DEPDC5: variants seen among roughly 807,000 people sequenced by gnomAD.
The protein encoded by DEPDC5 is GATOR1 complex protein DEPDC5.
Under a neutral mutation model 217.3 loss-of-function variants are expected in DEPDC5, and 73 were observed. The observed-to-expected ratio is 0.34, with a 90% CI of 0.28 to 0.41. The LOEUF (loss-of-function observed/expected upper bound fraction) is 0.41. DEPDC5 is among the 10% of genes least tolerant of loss of function. The pLI is 1.00. For synonymous variants in DEPDC5, 733 were observed against 756.7 expected, an observed-to-expected ratio of 0.97 and a Z score of 0.51; for missense variants, 1,675 against 2,070.1, an observed-to-expected ratio of 0.81 and a Z score of 3.70.
chr22:31,849,968 G>A (rs568710612), intron 31 of DEPDC5, among the ~76,000 whole-genome samples: 200 of 151,670 alleles, frequency 1.3e-3, no homozygotes, highest in African/African-American at 4.3e-3. Flanking sequence ...CAGCCAAACC[G>A]TATCACTGGG....
Position 31,876,206 on chromosome 22 carries a change from G to A in DEPDC5, c.3746G>A (p.Arg1249Gln), listed in dbSNP as rs747454808. Reference protein sequence around the residue: ...LITHASGEAWRTFIYGFYFYK... With the variant: ...LITHASGEAWQTFIYGFYFYK... ...ACACATGCATCTGGCGAAGCCTGGC[G>A]GACCTTCATCTACGGCTTCTATTTC... is the stretch of plus-strand genomic sequence containing the variant. The change falls in exon 37 of 43, where the codon CGG (arginine) becomes CAG (glutamine). Residue 1249 changes from arginine to glutamine, a missense_variant. Physicochemically the swap from Arg to Gln is conservative, Grantham distance 43. Coordinates refer to ENST00000651528, the MANE Select transcript of DEPDC5 (RefSeq NM_001242896.3). The A allele has an allele frequency of 9.9e-6, 16 of 1,613,996 alleles. No homozygotes were observed. The highest frequency in any genetic ancestry group is 1.7e-4 in the Middle Eastern group (1 of 6,050).
chr22:31,802,869 A>T (rs2087027472), intron 15 of DEPDC5, 31 bp downstream of exon 15: 3 of 1,560,562 alleles, frequency 1.9e-6, no homozygotes, highest in African/African-American at 1.4e-5. Flanking sequence ...CCCTGTCTCC[A>T]CATGTTCCTA....
At chr22:31,899,498 CCT>C (rs970077610) in intron 40 of DEPDC5, among the ~76,000 whole-genome samples, 1 of 152,128 alleles carries the variant, frequency 6.6e-6, no homozygotes, top group African/African-American at 2.4e-5. Flanking sequence ...AAGTGATTCT[CCT>C]GCCTCAGCCT....
chr22:31,781,920 A>G (rs1193456897), intron 8 of DEPDC5, among the ~76,000 whole-genome samples: 1 of 151,930 alleles, frequency 6.6e-6, no homozygotes. Context: ...AATCTCAGCT[A>G]CTTGGGAGGC....
intron 33 of DEPDC5, among the ~76,000 whole-genome samples, chr22:31,865,206 T>C (rs2092655673): frequency 6.6e-6 from 1 of 152,046 alleles, no homozygotes; most frequent in Non-Finnish European, 1.5e-5. Context: ...AAAATATAAG[T>C]AACGCCAGGC....
chr22:31,810,771 GT>G, intron 20 of DEPDC5, 130 bp downstream of exon 20: 1 of 1,444,820 alleles, frequency 6.9e-7, no homozygotes, highest in Non-Finnish European at 9.3e-7. Flanking sequence ...TTGGTTTTTT[GT>G]TTGTTTTGTT....
rs1602793329 is a variant in DEPDC5 at position 31,890,059 on chromosome 22, G to A, written c.4034-3523G>A. On this transcript the variant is annotated intron_variant, in intron 38 of 42. Transcript: ENST00000651528. The stretch of plus-strand genomic sequence containing the variant: ...GGAGAAGAGACCAGCAGGAACAGAA[G>A]GAAAAGAGGAGAGTTACAAGTTAGG... Among the ~76,000 whole-genome samples, 5 of 152,268 alleles carry A rather than the reference G, an allele frequency of 3.3e-5. 1 individual carries two copies. Among genetic ancestry groups the A allele is most frequent in the Admixed American group, 3.3e-4 (5 of 15,286 alleles).
At chr22:31,877,798 A>G (rs1167907424) in intron 37 of DEPDC5, among the ~76,000 whole-genome samples, 1 of 149,882 alleles carries the variant, frequency 6.7e-6, no homozygotes, top group African/African-American at 2.5e-5. Flanking sequence ...AAACCAGACC[A>G]GCATCTCCAG....
chr22:31,836,316 A>G (rs556325766), intron 25 of DEPDC5, among the ~76,000 whole-genome samples: 1 of 152,078 alleles, frequency 6.6e-6, no homozygotes, highest in African/African-American at 2.4e-5. Context: ...AGGCTGAGAA[A>G]CTCTGCTTTA....
At chr22:31,902,160 A>G (rs1380834232) in intron 41 of DEPDC5, among the ~76,000 whole-genome samples, 3 of 152,114 alleles carry the variant, frequency 2.0e-5, no homozygotes, top group Admixed American at 6.6e-5. Context: ...TGAAAAGACA[A>G]TGAATGGTTA....
At chr22:31,901,619 G>A in intron 40 of DEPDC5, 123 bp from the exon 41 acceptor site, 1 of 778,186 alleles carries the variant, frequency 1.3e-6, no homozygotes, top group Non-Finnish European at 2.1e-6. Context: ...GTAGTATGGA[G>A]AAGCAGAGGT....
chr22:31,798,609 C>T lies in DEPDC5; in HGVS notation c.899C>T (p.Thr300Ile). 6.2e-7 allele frequency: 1 copy of T among 1,611,418 alleles called. No individual in the cohort carries two copies. ...AEGFPQGDNS[T>I]SAQGNYLEAI... is the part of the protein sequence containing the mutation. ...GGCTTTCCTCAAGGAGATAATTCTA[C>T]CTCAGCACAAGGAAACTACCTGGAG... Residue 300 changes from threonine (T) to isoleucine (I), a missense_variant, in exon 14 of 43, where the codon ACC (threonine) becomes ATC (isoleucine). Around this residue, in one of 11 missense-constraint regions of DEPDC5, gnomAD observed 628 missense variants for 762.1 expected, o/e 0.82. Transcript: ENST00000651528.
At chr22:31,776,227 T>G (rs1251117358) in intron 7 of DEPDC5, among the ~76,000 whole-genome samples, 1 of 151,554 alleles carries the variant, frequency 6.6e-6, no homozygotes, top group Non-Finnish European at 1.5e-5. Flanking sequence ...TCCTCCTACC[T>G]CAGCCTCCTA....
intron 37 of DEPDC5, among the ~76,000 whole-genome samples, chr22:31,878,735 CTG>C (rs1404420266): frequency 6.6e-6 from 1 of 151,802 alleles, no homozygotes; most frequent in Non-Finnish European, 1.5e-5. Flanking sequence ...AAGAAATAAA[CTG>C]AGCATAAAAT....
At chr22:31,797,312 C>T (rs2086351801) in intron 12 of DEPDC5, among the ~76,000 whole-genome samples, 2 of 152,124 alleles carry the variant, frequency 1.3e-5, no homozygotes, top group Non-Finnish European at 2.9e-5. Flanking sequence ...TGGAAACTTA[C>T]AATCCTGGTG....
intron 20 of DEPDC5, 112 bp downstream of exon 20, chr22:31,810,753 G>T (rs1348721219): frequency 2.0e-6 from 3 of 1,522,718 alleles, no homozygotes; most frequent in Non-Finnish European, 2.6e-6. Flanking sequence ...GTTTTGTTTT[G>T]TTTCGTTTTG....
At chr22:31,840,516 C>T (rs2091327470) in intron 27 of DEPDC5, among the ~76,000 whole-genome samples, 2 of 152,192 alleles carry the variant, frequency 1.3e-5, no homozygotes, top group South Asian at 4.1e-4. Context: ...TCACTGGCAC[C>T]TTCCAGGCTG....
chr22:31,784,057 A>G (rs2084732163), intron 9 of DEPDC5, 72 bp downstream of exon 9: 1 of 1,242,978 alleles, frequency 8.0e-7, no homozygotes, highest in Non-Finnish European at 1.2e-6. Flanking sequence ...TAATTCATGA[A>G]TGCCCAGGGT....
intron 7 of DEPDC5, among the ~76,000 whole-genome samples, chr22:31,771,714 G>GTCAC (rs1354048024): frequency 6.5e-4 from 50 of 76,594 alleles, no homozygotes; most frequent in Non-Finnish European, 9.5e-4. Flanking sequence ...GCAAGACTCC[G>GTCAC]TCACACACAC....
Sources: gnomAD v4.1 joint callset for allele counts (sites outside exome capture counted in the v4.1 genomes callset) on GRCh38, gnomAD v4.1.1 for gene constraint, gnomAD v4.1.1 regional missense constraint, MANE v1.5 for transcripts, NCBI Gene and HGNC (gene_info 2026-07-23, HGNC 2026-07-21) for gene names.